The following SYNPO2 variants were observed in gnomAD, a reference collection of about 807,000 sequenced individuals.
The protein encoded by SYNPO2 is synaptopodin 2.
SYNPO2 carries 56 observed loss-of-function variants against 85.0 expected under a neutral mutation model. The observed-to-expected ratio is 0.66, with a 90% CI of 0.53 to 0.82. SYNPO2 has a LOEUF of 0.82. Among genes scored for constraint, SYNPO2 ranks in the 40% least tolerant of loss-of-function variants. The pLI is 0.00. For missense variants in SYNPO2, 1,575 were observed against 1,534.2 expected, an observed-to-expected ratio of 1.03 and a Z score of -0.44; for synonymous variants, 602 against 591.1, an observed-to-expected ratio of 1.02 and a Z score of -0.27.
intron 1 of SYNPO2, among the ~76,000 whole-genome samples, chr4:118,969,460 C>A (rs933646258): frequency 2.6e-5 from 4 of 152,150 alleles, no homozygotes; most frequent in Non-Finnish European, 5.9e-5. Context: ...TTATCCATTA[C>A]CAGTGCTTTC....
Position 119,005,467 on chromosome 4 carries a change from C to A in SYNPO2, c.106-17963C>A, listed in dbSNP as rs577355401. ...ATATGGCTAGCCAGTTTTCCCAGCA[C>A]CATTTATTAAATAGGGAATCCTTTC... is the stretch of plus-strand genomic sequence containing the variant. On this transcript the variant is annotated intron_variant, in intron 1 of 4. Transcript: ENST00000307142. Among the ~76,000 whole-genome samples, 779 of 147,876 alleles carry A rather than the reference C, an allele frequency of 5.3e-3. 7 individuals carry two copies. The highest frequency in any genetic ancestry group is 0.021 in the Middle Eastern group (6 of 292).
chr4:118,878,877 T>A (rs532206508), intron 1 of SYNPO2, among the ~76,000 whole-genome samples: 1 of 152,210 alleles, frequency 6.6e-6, no homozygotes, highest in Non-Finnish European at 1.5e-5. Context: ...TCCTTTTCTG[T>A]CTTGTGGATG....
intron 1 of SYNPO2, among the ~76,000 whole-genome samples, chr4:119,011,313 A>C (rs984423080): frequency 3.3e-5 from 5 of 152,166 alleles, no homozygotes; most frequent in Non-Finnish European, 5.9e-5. Context: ...GTTTATCTCC[A>C]TAAATTGCAA....
intron 1 of SYNPO2, among the ~76,000 whole-genome samples, chr4:118,979,080 A>G (rs563239913): frequency 7.0e-4 from 107 of 152,210 alleles, no homozygotes; most frequent in African/African-American, 2.5e-3. Flanking sequence ...TCGCTTTCCA[A>G]TCGTTCTGTG....
At chr4:118,962,576 A>G (rs1735141276) in intron 1 of SYNPO2, among the ~76,000 whole-genome samples, 4 of 152,170 alleles carry the variant, frequency 2.6e-5, no homozygotes, top group Admixed American at 1.3e-4. Flanking sequence ...TAATTTTTCT[A>G]ACATTTTTAT....
intron 1 of SYNPO2, among the ~76,000 whole-genome samples, chr4:118,930,737 A>G (rs1417497022): frequency 2.2e-5 from 3 of 136,086 alleles, no homozygotes; most frequent in Admixed American, 7.8e-5. Flanking sequence ...GAACATAGGA[A>G]GACCCCATAT....
In SYNPO2 at chr4:119,030,422, T is replaced by G; in HGVS notation, c.1647T>G (p.Ser549=). The change falls in exon 4 of 5, where the codon TCT becomes TCG. Residue 549 remains serine (S), a synonymous_variant. Coordinates refer to ENST00000307142, the MANE Select transcript of SYNPO2 (RefSeq NM_133477.3). Reference sequence around the variant, plus strand: ...AAGAGTCGGTAAGAACGCAGAGCTCTGTGAGCAAAAGCTACATCGAGGTGA... The same window carrying G: ...AAGAGTCGGTAAGAACGCAGAGCTCGGTGAGCAAAAGCTACATCGAGGTGA... The part of the protein sequence containing the change: ...KEEESVRTQS[S]VSKSYIEVSH... The G allele has an allele frequency of 6.2e-7, 1 of 1,614,192 alleles. No individual in the cohort carries two copies.
intron 1 of SYNPO2, among the ~76,000 whole-genome samples, chr4:118,865,957 G>C (rs1731693386): frequency 6.6e-6 from 1 of 152,180 alleles, no homozygotes; most frequent in Non-Finnish European, 1.5e-5. Flanking sequence ...TGTGGGATTG[G>C]AACCCAGGAG....
At position 118,926,926 on chromosome 4, in the gene SYNPO2, G is replaced by A. The variant is rs370630205; in HGVS notation, c.105+37785G>A. On this transcript the variant is annotated intron_variant, in intron 1 of 4. Transcript: ENST00000307142. ...GAATGAGAATGCTTCTACTCTATGC[G>A]GGATGCCACTTGGTTAACGGGATAC... 4.6e-5 allele frequency among the ~76,000 whole-genome samples: 7 copies of A among 152,138 alleles called. 1 individual carries two copies. Among genetic ancestry groups the A allele is most frequent in the African/African-American group, 1.4e-4 (6 of 41,506 alleles).
chr4:118,900,195 A>G (rs903030140), intron 1 of SYNPO2, among the ~76,000 whole-genome samples: 2 of 152,168 alleles, frequency 1.3e-5, no homozygotes, highest in African/African-American at 4.8e-5. Flanking sequence ...CTATAGAAAT[A>G]TTTTCAAGAA....
chr4:118,943,106 C>CAA (rs1321117002), intron 1 of SYNPO2, among the ~76,000 whole-genome samples: 1 of 108,126 alleles, frequency 9.2e-6, no homozygotes, highest in Non-Finnish European at 2.0e-5. Flanking sequence ...GACTCCATCT[C>CAA]AAAAAAAAAA....
At chr4:118,923,845 A>ATTC (rs1270450400) in intron 1 of SYNPO2, among the ~76,000 whole-genome samples, 1 of 151,114 alleles carries the variant, frequency 6.6e-6, no homozygotes, top group Non-Finnish European at 1.5e-5. Context: ...TTATGGAAAA[A>ATTC]TTCTTGCACG....
rs115181823 is a variant in SYNPO2, at chr4:118,948,262, G to T, written c.105+59121G>T. On this transcript the variant is annotated intron_variant, in intron 1 of 4. Coordinates refer to ENST00000307142, the MANE Select transcript of SYNPO2 (RefSeq NM_133477.3). ...ACAGAATGAAGAACCAATTAACCAA[G>T]TACAGGGTAAAACTCAGCAGTAGGA... Among the ~76,000 whole-genome samples the T allele has an allele frequency of 3.5e-3, 538 of 152,280 alleles. 5 individuals are homozygous for T. The highest frequency in any genetic ancestry group is 0.012 in the African/African-American group (509 of 41,556).
intron 1 of SYNPO2, among the ~76,000 whole-genome samples, chr4:118,931,200 C>T (rs921821242): frequency 1.3e-5 from 2 of 151,800 alleles, no homozygotes; most frequent in South Asian, 4.2e-4. Flanking sequence ...CACAATAAAC[C>T]TCAGAAATTA....
At chr4:118,862,935 C>G (rs559570940) in intron 1 of SYNPO2, among the ~76,000 whole-genome samples, 43 of 152,082 alleles carry the variant, frequency 2.8e-4, no homozygotes, top group Non-Finnish European at 5.6e-4. Context: ...CTCAGCCTCC[C>G]GAGTAGCTGG....
chr4:118,902,758 A>T (rs1339515484), intron 1 of SYNPO2, among the ~76,000 whole-genome samples: 33 of 152,184 alleles, frequency 2.2e-4, no homozygotes, highest in Non-Finnish European at 4.4e-4. Flanking sequence ...GAATTTAAGG[A>T]GTGTCGAGGA....
chr4:118,877,955 A>G (rs1014981945), intron 1 of SYNPO2, among the ~76,000 whole-genome samples: 4 of 152,384 alleles, frequency 2.6e-5, no homozygotes, highest in African/African-American at 9.6e-5. Context: ...CTTGGAATCA[A>G]TCTAAATGCC....
chr4:118,867,271 T>C (rs1731714966), intron 1 of SYNPO2, among the ~76,000 whole-genome samples: 1 of 152,198 alleles, frequency 6.6e-6, no homozygotes. Context: ...TATTTAACTT[T>C]TCTCAGATTT....
intron 1 of SYNPO2, among the ~76,000 whole-genome samples, chr4:118,993,475 C>T (rs1439705278): frequency 6.6e-6 from 1 of 152,160 alleles, no homozygotes; most frequent in Admixed American, 6.5e-5. Context: ...ATCAAATTGT[C>T]AAGTACAGCT....
Sources: gnomAD v4.1 joint callset for allele counts (sites outside exome capture counted in the v4.1 genomes callset) on GRCh38, gnomAD v4.1.1 for gene constraint, MANE v1.5 for transcripts, NCBI Gene and HGNC (gene_info 2026-07-23, HGNC 2026-07-21) for gene names.